The following PLA2G2A variants were observed in gnomAD, a reference collection of about 807,000 sequenced individuals.
PLA2G2A encodes phospholipase A2 group IIA.
A neutral mutation model predicts 11.2 loss-of-function variants in PLA2G2A; 6 were observed. That is an observed-to-expected ratio of 0.54 (90% confidence interval 0.29 to 1.06). The LOEUF (loss-of-function observed/expected upper bound fraction) is 1.06, where lower values mean the gene tolerates loss of function less well. Among genes scored for constraint, PLA2G2A ranks in the 50% least tolerant of loss-of-function variants. The pLI, the probability that PLA2G2A is intolerant of heterozygous loss-of-function variation, is 0.08. For missense variants in PLA2G2A, 133 were observed against 177.1 expected (o/e 0.75, Z 1.41); for synonymous variants, 69 against 65.8 (o/e 1.05, Z -0.23).
intron 4 of PLA2G2A, among the ~76,000 whole-genome samples, chr1:19,976,822 T>C (rs1453025628): frequency 6.6e-6 from 1 of 152,192 alleles, no homozygotes; most frequent in Non-Finnish European, 1.5e-5. Context: ...CCTGGTCTAA[T>C]CTGGCTTTGC....
intron 2 of PLA2G2A, 66 bp downstream of exon 2, chr1:19,978,668 A>G: frequency 6.2e-7 from 1 of 1,602,902 alleles, no homozygotes. Flanking sequence ...AGAGAAAACT[A>G]AGGGACAAGA....
At chr1:19,976,229 A>G (rs1355230575) in intron 4 of PLA2G2A, among the ~76,000 whole-genome samples, 4 of 152,204 alleles carry the variant, frequency 2.6e-5, no homozygotes, top group Non-Finnish European at 5.9e-5. Flanking sequence ...TGTATCATGT[A>G]ACCTTGTTCC....
upstream of PLA2G2A, among the ~76,000 whole-genome samples, chr1:19,980,132 A>G (rs2046280270): frequency 6.6e-6 from 1 of 152,180 alleles, no homozygotes; most frequent in African/African-American, 2.4e-5. Flanking sequence ...ATGTTCCAGC[A>G]CCTGTGCAGG....
exon 3 of PLA2G2A, chr1:19,978,486 T>C (rs753236597): frequency 6.2e-7 from 1 of 1,613,808 alleles, no homozygotes; most frequent in Non-Finnish European, 8.5e-7. Context: ...TTGATCATTC[T>C]GTGGAAATTC....
chr1:19,978,604 C>T (rs943385658), intron 2 of PLA2G2A, 80 bp from the exon 3 acceptor site: 1 of 1,603,134 alleles, frequency 6.2e-7, no homozygotes, highest in East Asian at 2.2e-5. Flanking sequence ...CTGCTACTCT[C>T]CTTCCTCCCA....
chr1:19,975,647 G>T, downstream of PLA2G2A: 4 of 1,532,768 alleles, frequency 2.6e-6, no homozygotes, highest in Non-Finnish European at 3.6e-6. Flanking sequence ...GGGAGGGAGG[G>T]TATGAGAGAG....
At chr1:19,977,502 A>C (rs1204781364) in intron 4 of PLA2G2A, among the ~76,000 whole-genome samples, 1 of 152,180 alleles carries the variant, frequency 6.6e-6, no homozygotes, top group Non-Finnish European at 1.5e-5. Context: ...GTCATCTAAA[A>C]TGCAAATCTG....
intron 4 of PLA2G2A, among the ~76,000 whole-genome samples, chr1:19,976,134 CT>C (rs974510088): frequency 3.9e-5 from 6 of 152,216 alleles, no homozygotes; most frequent in Non-Finnish European, 7.3e-5. Flanking sequence ...AGGCAAAGCC[CT>C]AGCCTCGGGG....
intron 3 of PLA2G2A, 99 bp downstream of exon 3, chr1:19,978,281 T>A (rs1490488284): frequency 2.7e-6 from 4 of 1,481,214 alleles, no homozygotes. Flanking sequence ...CAGGCCATCC[T>A]GAGACCTCTG....
At chr1:19,977,977 CA>C (rs750572606) in intron 4 of PLA2G2A, 37 bp downstream of exon 4, 1 of 1,232,434 alleles carries the variant, frequency 8.1e-7, no homozygotes, top group South Asian at 1.2e-5. Flanking sequence ...ACTGTCTAAA[CA>C]AATGAGGGCC....
intron 4 of PLA2G2A, among the ~76,000 whole-genome samples, chr1:19,977,504 G>A (rs2046237219): frequency 6.6e-6 from 1 of 152,144 alleles, no homozygotes; most frequent in African/African-American, 2.4e-5. Context: ...CATCTAAAAT[G>A]CAAATCTGAC....
upstream of PLA2G2A, chr1:19,979,632 T>A (rs2307245): frequency 7.8e-3 from 1,184 of 152,584 alleles, 11 homozygotes; most frequent in African/African-American, 0.027. Context: ...TGTTCTGCAC[T>A]CCTGCTCCCC....
At chr1:19,978,188 A>G in intron 3 of PLA2G2A, 67 bp from the exon 4 acceptor site, 1 of 1,355,094 alleles carries the variant, frequency 7.4e-7, no homozygotes. Flanking sequence ...CTGTGGTCTC[A>G]CCCCCTTGGA....
exon 2 of PLA2G2A, chr1:19,978,858 C>G: frequency 7.9e-7 from 1 of 1,270,430 alleles, no homozygotes; most frequent in Non-Finnish European, 1.1e-6. Context: ...GGCCGTCGCT[C>G]CCCTGCTCCT....
At chr1:19,978,175 T>G in intron 3 of PLA2G2A, 54 bp from the exon 4 acceptor site, 1 of 1,421,044 alleles carries the variant, frequency 7.0e-7, no homozygotes, top group Non-Finnish European at 1.0e-6. Context: ...GGAGGCCTGG[T>G]GCCTGTGGTC....
intron 2 of PLA2G2A, 41 bp from the exon 3 acceptor site, chr1:19,978,565 G>C (rs2046258102): frequency 1.2e-6 from 2 of 1,610,652 alleles, no homozygotes; most frequent in African/African-American, 2.7e-5. Context: ...TGGGGCATGG[G>C]GTTCTGCGCC....
downstream of PLA2G2A, chr1:19,975,658 G>C: frequency 6.3e-7 from 1 of 1,591,590 alleles, no homozygotes; most frequent in Non-Finnish European, 8.6e-7. Context: ...TATGAGAGAG[G>C]GAAATTCAGC....
chr1:19,978,479 A>T (rs2046256556), exon 3 of PLA2G2A: 1 of 1,613,762 alleles, frequency 6.2e-7, no homozygotes, highest in Non-Finnish European at 8.5e-7. Context: ...CGTCAACTTG[A>T]TCATTCTGTG....
At chr1:19,977,438 T>C (rs2046236155) in intron 4 of PLA2G2A, among the ~76,000 whole-genome samples, 1 of 152,222 alleles carries the variant, frequency 6.6e-6, no homozygotes, top group Non-Finnish European at 1.5e-5. Flanking sequence ...ATGATGGCAA[T>C]AGCTTTCTCT....
Sources: allele counts gnomAD v4.1 joint callset (sites outside exome capture counted in the v4.1 genomes callset), GRCh38; gene constraint gnomAD v4.1.1; transcripts MANE v1.5; gene names NCBI Gene and HGNC (gene_info 2026-07-23, HGNC 2026-07-21).